P3H1: variants seen among roughly 807,000 people sequenced by gnomAD.
P3H1 encodes the protein prolyl 3-hydroxylase 1.
A neutral mutation model predicts 84.0 loss-of-function variants in P3H1; 69 were observed. The observed-to-expected ratio is 0.82, with a 90% confidence interval of 0.68 to 1.00. The LOEUF is 1.00. P3H1 is among the 50% of genes least tolerant of loss of function. The probability of loss-of-function intolerance (pLI) is 0.00; values close to 1 mark genes in which losing one functional copy is unlikely to be tolerated. For synonymous variants in P3H1, 366 were observed against 388.8 expected (o/e 0.94, Z 0.69); for missense variants, 878 against 962.8 (o/e 0.91, Z 1.17).
Position 42,766,536 on chromosome 1 carries a change from A to T in P3H1, c.436T>A (p.Tyr146Asn). 6.2e-7 allele frequency: 1 copy of T among 1,612,068 alleles called. No individual in the cohort carries two copies. Among genetic ancestry groups the T allele is most frequent in the Non-Finnish European group, 8.5e-7 (1 of 1,179,528 alleles). The change falls in exon 1 of 15, where the codon TAC becomes AAC. Residue 146 changes from tyrosine (Y) to asparagine (N), a missense_variant. By Grantham distance (143) the Tyr-to-Asn change is moderately radical (BLOSUM62 -2). Transcript: ENST00000296388. ...AAGTAGGCGACCTGCAGGTAGTTGT[A>T]GGGGCTCCGCTTGCGGAACTCCAGC... is the stretch of plus-strand genomic sequence containing the variant. ...MELEFRKRSP[Y>N]NYLQVAYFKI...
At chr1:42,747,014 G>T (rs1044577340) in intron 14 of P3H1, 162 bp from the exon 15 acceptor site, 2 of 1,614,134 alleles carry the variant, frequency 1.2e-6, no homozygotes, top group Non-Finnish European at 8.5e-7. Context: ...CTGAAGTGGG[G>T]CCCAAGGAGG....
chr1:42,751,102 C>T (rs1037059453), intron 10 of P3H1, among the ~76,000 whole-genome samples: 6 of 135,564 alleles, frequency 4.4e-5, no homozygotes, highest in East Asian at 2.2e-4. Context: ...GCCATGATGA[C>T]GATGGCGGTT....
At chr1:42,759,600 T>C (rs899706057) in intron 2 of P3H1, among the ~76,000 whole-genome samples, 4 of 152,144 alleles carry the variant, frequency 2.6e-5, no homozygotes, top group Admixed American at 2.6e-4. Flanking sequence ...TTAGCTCTTT[T>C]TTTCTTTTTT....
chr1:42,747,144 T>C (rs961002060), intron 14 of P3H1, 128 bp downstream of exon 14: 12 of 1,614,128 alleles, frequency 7.4e-6, no homozygotes, highest in Non-Finnish European at 1.0e-5. Context: ...GGAGCTGGTG[T>C]CCCAAGTGCT....
chr1:42,762,799 A>G (rs1222901128), intron 1 of P3H1, among the ~76,000 whole-genome samples: 2 of 152,064 alleles, frequency 1.3e-5, no homozygotes, highest in Admixed American at 1.3e-4. Context: ...TGCCCACATA[A>G]TATGTTTTCA....
chr1:42,753,269 A>G (rs974977674), intron 8 of P3H1, among the ~76,000 whole-genome samples: 11 of 152,266 alleles, frequency 7.2e-5, no homozygotes, highest in African/African-American at 2.4e-5. Context: ...GAGAAATAAC[A>G]AAGTGAAAGT....
At position 42,746,755 on chromosome 1, in the gene P3H1, G is replaced by T. The variant is rs571157347; in HGVS notation, c.2153C>A (p.Pro718His). ...TGAGAGAGACTCTTGTGCAGGTTCG[G>T]GGGGGCCCTGCTGGGCATCCAGGGG... ...EQPLDAQQGPPEPAQESLSGS... is the reference protein window; with the variant it reads ...EQPLDAQQGPHEPAQESLSGS... Residue 718 changes from proline (P) to histidine (H), a missense_variant, in exon 15 of 15, where the codon CCC becomes CAC. Coordinates refer to ENST00000296388, the MANE Select transcript of P3H1 (RefSeq NM_022356.4). 1 of 1,555,236 alleles carries T rather than the reference G, an allele frequency of 6.4e-7. No individual in the cohort carries two copies. The highest frequency in any genetic ancestry group is 8.7e-7 in the Non-Finnish European group (1 of 1,148,976).
At chr1:42,766,013 C>A (rs1460652360) in intron 1 of P3H1, among the ~76,000 whole-genome samples, 5 of 87,842 alleles carry the variant, frequency 5.7e-5, no homozygotes, top group Admixed American at 2.2e-4. Flanking sequence ...AGGGTCCCCC[C>A]CCCGCCCCCA....
rs769981372 is a variant in P3H1 at position 42,764,423 on chromosome 1, C to CA, written c.466-1949dup. The stretch of plus-strand genomic sequence containing the variant: ...GCCTGGCAACAGCGAGACTCCATCT[C>CA]AAAAAAAAAAAAAAAAAAAAAGAAA... On this transcript the variant is annotated intron_variant, in intron 1 of 14. Coordinates refer to ENST00000296388, the MANE Select transcript of P3H1 (RefSeq NM_022356.4). Among the ~76,000 whole-genome samples the CA allele has an allele frequency of 9.8e-3, 827 of 84,180 alleles. 6 individuals are homozygous for CA. The highest frequency in any genetic ancestry group is 0.033 in the East Asian group (60 of 1,824). 55.2% of individuals were successfully genotyped at this position (84,180 alleles called of 152,430 possible).
chr1:42,765,859 G>A (rs1652957971), intron 1 of P3H1, among the ~76,000 whole-genome samples: 1 of 152,068 alleles, frequency 6.6e-6, no homozygotes, highest in Non-Finnish European at 1.5e-5. Flanking sequence ...AGTATGTGCT[G>A]GCTATCATCA....
At chr1:42,760,311 AAC>A (rs1202429697) in intron 2 of P3H1, 1 of 151,848 alleles carries the variant, frequency 6.6e-6, no homozygotes, top group South Asian at 2.1e-4. Flanking sequence ...TTGTAGGGCT[AAC>A]AGTTTTCAAA....
In P3H1 at chr1:42,762,489, A is replaced by G; in HGVS notation, c.466-14T>C. Reference sequence around the variant, plus strand: ...CAACTTGTTGATCTAAGAATGAAGCATGAGAAGGTGGATAATGCTCACATC... The same window carrying G: ...CAACTTGTTGATCTAAGAATGAAGCGTGAGAAGGTGGATAATGCTCACATC... On this transcript the variant is annotated splice_polypyrimidine_tract_variant and intron_variant, in intron 1 of 14. Coordinates refer to ENST00000296388, the MANE Select transcript of P3H1 (RefSeq NM_022356.4). 6.2e-7 allele frequency: 1 copy of G among 1,613,932 alleles called. No individual in the cohort carries two copies. Among genetic ancestry groups the G allele is most frequent in the Non-Finnish European group, 8.5e-7 (1 of 1,179,828 alleles).
chr1:42,757,309 T>A (rs754964360), intron 5 of P3H1, among the ~76,000 whole-genome samples: 5 of 151,810 alleles, frequency 3.3e-5, no homozygotes, highest in Non-Finnish European at 7.4e-5. Context: ...TACAGATATT[T>A]CTCCTGGTTT....
chr1:42,747,141 G>T, intron 14 of P3H1, 131 bp downstream of exon 14: 1 of 1,614,190 alleles, frequency 6.2e-7, no homozygotes, highest in Non-Finnish European at 8.5e-7. Flanking sequence ...GTTGGAGCTG[G>T]TGTCCCAAGT....
At chr1:42,751,026 T>G (rs1275680052) in intron 10 of P3H1, among the ~76,000 whole-genome samples, 2 of 104,702 alleles carry the variant, frequency 1.9e-5, no homozygotes, top group South Asian at 4.4e-4. Context: ...TACTGGGAAG[T>G]GAGGAGCCCC....
At chr1:42,747,603 G>A (rs1230993536) in intron 13 of P3H1, 120 bp downstream of exon 13, 1 of 1,194,302 alleles carries the variant, frequency 8.4e-7, no homozygotes, top group African/African-American at 1.5e-5. Context: ...CTCTGGATGG[G>A]GGAAGGGTAC....
At chr1:42,750,656 G>GA (rs1380116450) in intron 10 of P3H1, among the ~76,000 whole-genome samples, 1 of 122,712 alleles carries the variant, frequency 8.1e-6, no homozygotes, top group African/African-American at 3.9e-5. Context: ...AGGCCGGGGG[G>GA]GGTGGTCGGC....
In P3H1 at chr1:42,754,270, A is replaced by G. The variant is rs1345770788; in HGVS notation, c.1345+599T>C. Among the ~76,000 whole-genome samples, 2 of 152,122 alleles carry G rather than the reference A, an allele frequency of 1.3e-5. No homozygotes were observed. Among genetic ancestry groups the G allele is most frequent in the African/African-American group, 2.4e-5 (1 of 41,418 alleles). ...GAAGCCTGAGGCAATGAAAAACGGAAAAGGCTGGGGAGAGAGCTGAGAAGC... is the reference window on the plus strand; with the variant it reads ...GAAGCCTGAGGCAATGAAAAACGGAGAAGGCTGGGGAGAGAGCTGAGAAGC... On this transcript the variant is annotated intron_variant, in intron 8 of 14. Transcript: ENST00000296388. This position sits in a 1 kb window ranked among gnomAD's most constrained non-coding sequence, Gnocchi z 4.0.
Position 42,755,181 on chromosome 1 carries a change from A to G in P3H1, c.1207T>C (p.Leu403=), listed in dbSNP as rs1652327912. The G allele has an allele frequency of 1.9e-6, 3 of 1,614,122 alleles. No homozygotes were observed. The highest frequency in any genetic ancestry group is 2.5e-6 in the Non-Finnish European group (3 of 1,179,976). Reference sequence around the variant, plus strand: ...GGTCCTCACTTCTGTTTCTCTTGCAATCTCTTGGGAATCACTTCTTCTGGA... The same window carrying G: ...GGTCCTCACTTCTGTTTCTCTTGCAGTCTCTTGGGAATCACTTCTTCTGGA... The part of the protein sequence containing the change: ...WTPEEVIPKR[L]QEKQKSERET... The change falls in exon 7 of 15, where the codon TTG becomes CTG. Residue 403 remains leucine, a synonymous_variant. Transcript: ENST00000296388.
Sources: allele counts gnomAD v4.1 joint callset (sites outside exome capture counted in the v4.1 genomes callset), GRCh38; gene constraint gnomAD v4.1.1; non-coding constraint Gnocchi (gnomAD v3.1); transcripts MANE v1.5; gene names NCBI Gene and HGNC (gene_info 2026-07-23, HGNC 2026-07-21).